ABAT: variants seen among roughly 807,000 people sequenced by gnomAD.
ABAT encodes the protein 4-aminobutyrate aminotransferase, mitochondrial.
In ABAT, 45 loss-of-function variants were observed where a neutral mutation model predicts 64.6. That is an observed-to-expected ratio of 0.70 (90% CI 0.55 to 0.89). The LOEUF is 0.89. ABAT is among the 40% of genes least tolerant of loss of function. The probability of loss-of-function intolerance (pLI) is 0.00; values close to 1 mark genes in which losing one functional copy is unlikely to be tolerated. For synonymous variants in ABAT, 297 were observed against 250.5 expected (o/e 1.19, Z -1.75); for missense variants, 633 against 658.4 (o/e 0.96, Z 0.42).
chr16:8,774,840 C>A, intron 12 of ABAT, 50 bp from the exon 13 acceptor site: 1 of 1,609,690 alleles, frequency 6.2e-7, no homozygotes, highest in South Asian at 1.1e-5. Flanking sequence ...GCATGAATTT[C>A]TGGCCTCCCA....
At chr16:8,687,450 A>G (rs1284915868) in intron 1 of ABAT, among the ~76,000 whole-genome samples, 1 of 150,862 alleles carries the variant, frequency 6.6e-6, no homozygotes, top group Admixed American at 6.7e-5. Context: ...AGCTTGAACC[A>G]GGGAGTCGGA....
chr16:8,694,095 T>A (rs1392610693), intron 1 of ABAT, among the ~76,000 whole-genome samples: 1 of 151,996 alleles, frequency 6.6e-6, no homozygotes, highest in Non-Finnish European at 1.5e-5. Flanking sequence ...AGTGGCACGA[T>A]CTCCGCTCAC....
chr16:8,721,164 T>C (rs1245117354), intron 1 of ABAT, among the ~76,000 whole-genome samples: 1 of 151,530 alleles, frequency 6.6e-6, no homozygotes, highest in Non-Finnish European at 1.5e-5. Context: ...AGGCCAGGGA[T>C]GTCTAGTCTG....
chr16:8,742,491 T>C (rs906191513), intron 2 of ABAT, among the ~76,000 whole-genome samples: 1 of 152,178 alleles, frequency 6.6e-6, no homozygotes, highest in Non-Finnish European at 1.5e-5. Flanking sequence ...TATCAAAATA[T>C]GCGTCCCTGA....
intron 1 of ABAT, among the ~76,000 whole-genome samples, chr16:8,678,619 T>C (rs1371376305): frequency 6.6e-6 from 1 of 152,260 alleles, no homozygotes; most frequent in African/African-American, 2.4e-5. Context: ...TTCAATGGCA[T>C]GCTCTTTGGT....
At chr16:8,745,453 T>G (rs1263953325) in intron 2 of ABAT, among the ~76,000 whole-genome samples, 2 of 152,026 alleles carry the variant, frequency 1.3e-5, no homozygotes, top group Non-Finnish European at 1.5e-5. Context: ...TCCCAGCACT[T>G]TGGGAGGTCA....
chr16:8,766,631 G>C (rs1302321310), intron 9 of ABAT, among the ~76,000 whole-genome samples: 1 of 151,498 alleles, frequency 6.6e-6, no homozygotes, highest in African/African-American at 2.4e-5. Flanking sequence ...CTCCAGCCTG[G>C]GTGACAGAGT....
intron 1 of ABAT, among the ~76,000 whole-genome samples, chr16:8,683,063 C>T (rs972686907): frequency 1.3e-5 from 2 of 152,228 alleles, no homozygotes; most frequent in Non-Finnish European, 2.9e-5. Context: ...TCAGGCATTA[C>T]TGGCCATTTG....
intron 1 of ABAT, among the ~76,000 whole-genome samples, chr16:8,680,505 A>T (rs1308305245): frequency 6.6e-6 from 1 of 151,088 alleles, no homozygotes; most frequent in African/African-American, 2.4e-5. Flanking sequence ...GGCTTACTGC[A>T]ACCTCTGCCT....
chr16:8,781,430 A>G lies in ABAT; in HGVS notation c.1503A>G (p.Ter501=), dbSNP rs1034352904. The G allele has an allele frequency of 2.5e-6, 4 of 1,614,062 alleles. No individual in the cohort carries two copies. Among genetic ancestry groups the G allele is most frequent in the African/African-American group, 2.7e-5 (2 of 74,926 alleles). The change falls in exon 16 of 16, where the codon TAA becomes TAG. Residue 501 remains the stop codon, a stop_retained_variant. Transcript: ENST00000268251. This position sits in a 1 kb window ranked among gnomAD's most constrained non-coding sequence, Gnocchi z 4.5. ...GTGACATCTTAGCAGACTTCAAGTA[A>G]AGAAGCCATTTCCACTACAGTGAGA... ...IFSDILADFK[*]
chr16:8,768,059 A>G (rs1010318523), intron 9 of ABAT, 134 bp from the exon 10 acceptor site: 4 of 906,186 alleles, frequency 4.4e-6, no homozygotes, highest in African/African-American at 3.3e-5. Flanking sequence ...CATTGGTCCC[A>G]TGGGTAACTT....
chr16:8,736,298 C>G (rs1330592917), intron 2 of ABAT: 2 of 188,678 alleles, frequency 1.1e-5, no homozygotes, highest in Non-Finnish European at 2.2e-5. Context: ...CACAGCCAAA[C>G]CACATCACCC....
intron 2 of ABAT, among the ~76,000 whole-genome samples, chr16:8,742,141 G>C (rs1596447428): frequency 6.6e-6 from 1 of 152,122 alleles, no homozygotes. Flanking sequence ...CGCCCAGTTA[G>C]CCAGTTCTCA....
At chr16:8,736,649 C>T (rs530898147) in intron 2 of ABAT, 7 of 152,580 alleles carry the variant, frequency 4.6e-5, no homozygotes, top group African/African-American at 1.4e-4. Context: ...CCCATGGCCA[C>T]TTGCACTGGC....
At chr16:8,775,097 G>A (rs1161026413) in intron 13 of ABAT, 40 bp downstream of exon 13, 1 of 1,613,792 alleles carries the variant, frequency 6.2e-7, no homozygotes, top group Non-Finnish European at 8.5e-7. Flanking sequence ...CCAGGGCAGA[G>A]AAGGGAGCAT....
intron 1 of ABAT, among the ~76,000 whole-genome samples, chr16:8,681,706 A>G (rs1045973993): frequency 2.0e-5 from 3 of 149,376 alleles, no homozygotes; most frequent in African/African-American, 7.4e-5. Context: ...CAGTGGTGCA[A>G]TCTCAGCTCA....
At position 8,764,843 on chromosome 16, in the gene ABAT, GC is replaced by G; in HGVS notation, c.540+14del. On this transcript the variant is annotated intron_variant, in intron 8 of 15. Transcript: ENST00000268251. The surrounding 1 kb of genome is among the most constrained non-coding windows in gnomAD (Gnocchi z 4.2). ...CATGTGGTACCGGGTGAGGTTTGGG[GC>G]ACACACACACACACACACACAGGCT... The G allele has an allele frequency of 6.5e-7, 1 of 1,532,514 alleles. No homozygotes were observed. The highest frequency in any genetic ancestry group is 9.0e-7 in the Non-Finnish European group (1 of 1,114,120). 94.9% of individuals were successfully genotyped at this position (1,532,514 alleles called of 1,614,324 possible).
intron 5 of ABAT, among the ~76,000 whole-genome samples, chr16:8,755,073 A>G (rs1392876542): frequency 1.3e-5 from 2 of 152,112 alleles, no homozygotes; most frequent in African/African-American, 4.8e-5. Context: ...TCAGCTTTTC[A>G]GCACGTTCTT....
At chr16:8,695,014 T>C (rs1255060922) in intron 1 of ABAT, among the ~76,000 whole-genome samples, 1 of 152,240 alleles carries the variant, frequency 6.6e-6, no homozygotes, top group African/African-American at 2.4e-5. Context: ...AGCATTCTGC[T>C]GGAGCCACTG....
Sources: gnomAD v4.1 joint callset for allele counts (sites outside exome capture counted in the v4.1 genomes callset) on GRCh38, gnomAD v4.1.1 for gene constraint, Gnocchi (gnomAD v3.1) non-coding constraint, MANE v1.5 for transcripts, NCBI Gene and HGNC (gene_info 2026-07-23, HGNC 2026-07-21) for gene names.